MMP26: variants seen among roughly 807,000 people sequenced by gnomAD.
MMP26 encodes matrix metalloproteinase-26.
Under a neutral mutation model 31.0 loss-of-function variants are expected in MMP26, and 33 were observed. That is an observed-to-expected ratio of 1.06 (90% CI 0.81 to 1.42). The LOEUF (loss-of-function observed/expected upper bound fraction) is 1.42, where lower values mean the gene tolerates loss of function less well. Among genes scored for constraint, MMP26 ranks in the 40% most tolerant of loss-of-function variants. The pLI, the probability that MMP26 is intolerant of heterozygous loss-of-function variation, is 0.00. For synonymous variants in MMP26, 122 were observed against 114.9 expected (o/e 1.06, Z -0.40); for missense variants, 347 against 316.1 (o/e 1.10, Z -0.74).
At chr11:4,859,461 T>C (rs1850109384) in intron 2 of MMP26, 9 of 345,188 alleles carry the variant, frequency 2.6e-5, no homozygotes, top group South Asian at 2.0e-4. Context: ...AGAACAATAA[T>C]GACCTGTTAT....
intron 2 of MMP26, among the ~76,000 whole-genome samples, chr11:4,906,114 G>A (rs1289699836): frequency 6.6e-6 from 1 of 152,130 alleles, no homozygotes; most frequent in Non-Finnish European, 1.5e-5. Flanking sequence ...AAATAAAATG[G>A]TAGCCTGAAG....
intron 2 of MMP26, among the ~76,000 whole-genome samples, chr11:4,903,602 C>T (rs1020897855): frequency 6.6e-6 from 1 of 152,072 alleles, no homozygotes; most frequent in African/African-American, 2.4e-5. Flanking sequence ...TCACAATTTG[C>T]CTCTAGTTTC....
intron 2 of MMP26, chr11:4,860,550 A>T (rs1850138283): frequency 2.1e-6 from 1 of 465,532 alleles, no homozygotes; most frequent in South Asian, 1.6e-5. Flanking sequence ...CCTGTGATGC[A>T]TTCAAGTTCG....
intron 2 of MMP26, among the ~76,000 whole-genome samples, chr11:4,871,294 T>C (rs1303913639): frequency 2.0e-5 from 3 of 152,078 alleles, no homozygotes; most frequent in Non-Finnish European, 1.5e-5. Context: ...GACCGCAATG[T>C]TGAGAGGCTT....
chr11:4,926,523 C>A (rs1851276176), intron 2 of MMP26, among the ~76,000 whole-genome samples: 1 of 152,148 alleles, frequency 6.6e-6, no homozygotes, highest in Non-Finnish European at 1.5e-5. Context: ...AGCCAGCAGG[C>A]ATAGTGAAGC....
chr11:4,716,756 G>C (rs1236176290), intron 1 of MMP26, among the ~76,000 whole-genome samples: 1 of 132,044 alleles, frequency 7.6e-6, no homozygotes, highest in African/African-American at 2.8e-5. Context: ...CCACTTCCCA[G>C]GTTCAAGCGA....
intron 2 of MMP26, chr11:4,913,065 T>G (rs973455596): frequency 3.9e-5 from 6 of 152,274 alleles, no homozygotes; most frequent in African/African-American, 1.4e-4. Flanking sequence ...AAGCAAATCC[T>G]TAACTTTTCA....
chr11:4,746,758 A>G (rs1454274148), intron 1 of MMP26, among the ~76,000 whole-genome samples: 1 of 151,824 alleles, frequency 6.6e-6, no homozygotes, highest in African/African-American at 2.4e-5. Flanking sequence ...CACTTGAACC[A>G]GAGAGGTGGA....
At chr11:4,791,195 A>G (rs1849021634) in intron 2 of MMP26, among the ~76,000 whole-genome samples, 1 of 152,228 alleles carries the variant, frequency 6.6e-6, no homozygotes. Context: ...AATAGATTCA[A>G]ATGCCTGCAA....
At chr11:4,761,638 A>G (rs1343760214) in intron 1 of MMP26, among the ~76,000 whole-genome samples, 3 of 152,238 alleles carry the variant, frequency 2.0e-5, no homozygotes, top group Admixed American at 2.0e-4. Flanking sequence ...TCAATTAAAA[A>G]TGAAATTGAA....
intron 2 of MMP26, among the ~76,000 whole-genome samples, chr11:4,798,070 G>A (rs1370434700): frequency 6.6e-6 from 1 of 152,168 alleles, no homozygotes; most frequent in African/African-American, 2.4e-5. Context: ...GAAATATTAG[G>A]GCTGGCATCT....
intron 2 of MMP26, among the ~76,000 whole-genome samples, chr11:4,771,250 A>G (rs1172514858): frequency 6.6e-6 from 1 of 152,242 alleles, no homozygotes; most frequent in African/African-American, 2.4e-5. Flanking sequence ...AAAGTCCTTA[A>G]GAAAGTAGTG....
chr11:4,783,968 G>A (rs1173451228), intron 2 of MMP26, among the ~76,000 whole-genome samples: 2 of 152,124 alleles, frequency 1.3e-5, no homozygotes, highest in Non-Finnish European at 2.9e-5. Flanking sequence ...CCCAGTCTCA[G>A]GTATGTCTTT....
intron 1 of MMP26, among the ~76,000 whole-genome samples, chr11:4,732,845 A>G (rs982069600): frequency 6.6e-6 from 1 of 152,166 alleles, no homozygotes; most frequent in African/African-American, 2.4e-5. Flanking sequence ...GTTCCATCAC[A>G]TTTTGTATAT....
At chr11:4,797,322 TTC>T (rs35067161) in intron 2 of MMP26, among the ~76,000 whole-genome samples, 13,520 of 152,254 alleles carry the variant, frequency 0.089, 809 homozygotes, top group Middle Eastern at 0.15. Context: ...CTTCATAAAG[TTC>T]TGTTGGTAAC....
At chr11:4,873,219 G>T (rs1850333681) in intron 2 of MMP26, among the ~76,000 whole-genome samples, 1 of 152,008 alleles carries the variant, frequency 6.6e-6, no homozygotes, top group Non-Finnish European at 1.5e-5. Context: ...GTCTGTGCTG[G>T]TCTCTTGGAT....
At chr11:4,890,979 G>GAATAATAAT (rs71050436) in intron 2 of MMP26, among the ~76,000 whole-genome samples, 14,383 of 136,950 alleles carry the variant, frequency 0.11, 919 homozygotes, top group South Asian at 0.16. Flanking sequence ...AATGAACTCA[G>GAATAATAAT]AATAATAATA....
chr11:4,806,648 C>T (rs1041062653), intron 2 of MMP26, among the ~76,000 whole-genome samples: 1 of 152,100 alleles, frequency 6.6e-6, no homozygotes, highest in Non-Finnish European at 1.5e-5. Context: ...CTGAATACAG[C>T]ACACTGATAA....
intron 1 of MMP26, among the ~76,000 whole-genome samples, chr11:4,724,968 G>A (rs1848077842): frequency 6.6e-6 from 1 of 152,202 alleles, no homozygotes. Flanking sequence ...GGGGCCTGGT[G>A]GAAGGTGATT....
Sources: gnomAD v4.1 joint callset for allele counts (sites outside exome capture counted in the v4.1 genomes callset) on GRCh38, gnomAD v4.1.1 for gene constraint, MANE v1.5 for transcripts, NCBI Gene and HGNC (gene_info 2026-07-23, HGNC 2026-07-21) for gene names.